Variants in WRAP73 observed in about 807,000 individuals in gnomAD.
WRAP73 encodes WD repeat-containing protein WRAP73.
In WRAP73, 55 loss-of-function variants were observed where a neutral mutation model predicts 59.6. The ratio of observed to expected loss-of-function variants is 0.92; its 90% CI spans 0.74 to 1.15. The LOEUF (loss-of-function observed/expected upper bound fraction) is 1.15. Among genes scored for constraint, WRAP73 ranks in the 50% most tolerant of loss-of-function variants. The probability of loss-of-function intolerance (pLI) is 0.00; values close to 1 mark genes in which losing one functional copy is unlikely to be tolerated. For missense variants in WRAP73, 592 were observed against 608.1 expected, an observed-to-expected ratio of 0.97 and a Z score of 0.28; for synonymous variants, 265 against 258.2, an observed-to-expected ratio of 1.03 and a Z score of -0.25.
chr1:3,632,534 G>A (rs1020622563), intron 9 of WRAP73, 196 bp from the exon 10 acceptor site: 13 of 778,884 alleles, frequency 1.7e-5, no homozygotes, highest in African/African-American at 1.4e-4. Context: ...CAAGTGCCCC[G>A]GATGAGAGTG....
intron 1 of WRAP73, among the ~76,000 whole-genome samples, chr1:3,648,135 T>C (rs1408042737): frequency 6.6e-6 from 1 of 152,254 alleles, no homozygotes; most frequent in Non-Finnish European, 1.5e-5. Context: ...TTATCTCCAT[T>C]AACCTATTCC....
chr1:3,642,113 C>T (rs901997844), intron 3 of WRAP73, among the ~76,000 whole-genome samples: 2 of 152,300 alleles, frequency 1.3e-5, no homozygotes, highest in Non-Finnish European at 1.5e-5. Context: ...CAGAGCCGGG[C>T]GCACTGTTGT....
chr1:3,646,606 G>C lies in WRAP73; in HGVS notation c.339+60C>G, dbSNP rs1368376439. The C allele has an allele frequency of 6.9e-7, 1 of 1,439,306 alleles. No individual in the cohort carries two copies. The highest frequency in any genetic ancestry group is 9.6e-7 in the Non-Finnish European group (1 of 1,045,346). 89.2% of individuals were successfully genotyped at this position (1,439,306 alleles called of 1,614,324 possible). A position where few individuals can be genotyped will look rare whatever the true frequency, so the allele number is the denominator to read the frequency against. ...ACACCCCCTCTCGCACTCCCCAGCT[G>C]TTTCGAGAGCAGAGGACAGGATCAC... On this transcript the variant is annotated intron_variant, in intron 3 of 11. Transcript: ENST00000270708. The surrounding 1 kb of genome is among the most constrained non-coding windows in gnomAD (Gnocchi z 5.1).
rs1000484213 is a variant in WRAP73, at chr1:3,639,022, T to C, written c.340-200A>G. 1.8e-6 allele frequency: 1 copy of C among 561,056 alleles called. No homozygotes were observed. Among genetic ancestry groups the C allele is most frequent in the African/African-American group, 1.9e-5 (1 of 51,424 alleles). 34.8% of individuals were successfully genotyped at this position (561,056 alleles called of 1,614,324 possible). The stretch of plus-strand genomic sequence containing the variant: ...GTGGTTACGGTAAATTTGGTGTTCT[T>C]GGTTTTCTGTTGTTGTTGTTTTATA... On this transcript the variant is annotated intron_variant, in intron 3 of 11. Transcript: ENST00000270708. This position sits in a 1 kb window ranked among gnomAD's most constrained non-coding sequence, Gnocchi z 4.3.
In WRAP73 at chr1:3,641,573, C is replaced by G. The variant is rs112195730; in HGVS notation, c.340-2751G>C. 2.2e-3 allele frequency among the ~76,000 whole-genome samples: 342 copies of G among 152,296 alleles called. 1 individual carries two copies. Among genetic ancestry groups the G allele is most frequent in the African/African-American group, 8.0e-3 (332 of 41,530 alleles). On this transcript the variant is annotated intron_variant, in intron 3 of 11. Coordinates refer to ENST00000270708, the MANE Select transcript of WRAP73 (RefSeq NM_017818.4). ...AGTGCTGCTCGCCCCGCAGCAGGCACCGGCTGCCGGACACAGGTGGGAGAC... is the reference window on the plus strand; with the variant it reads ...AGTGCTGCTCGCCCCGCAGCAGGCAGCGGCTGCCGGACACAGGTGGGAGAC...
Position 3,631,804 on chromosome 1 carries a change from T to G in WRAP73, c.1049-147A>C, listed in dbSNP as rs892599234. Reference sequence around the variant, plus strand: ...GCTGCACCCTGCAGTCTGGGTTCAGTTGGGCCCTGTAGGGCTCCTGGCCAG... The same window carrying G: ...GCTGCACCCTGCAGTCTGGGTTCAGGTGGGCCCTGTAGGGCTCCTGGCCAG... On this transcript the variant is annotated intron_variant, in intron 10 of 11. Coordinates refer to ENST00000270708, the MANE Select transcript of WRAP73 (RefSeq NM_017818.4). 6 of 1,434,386 alleles carry G rather than the reference T, an allele frequency of 4.2e-6. No homozygotes were observed. The East Asian group carries it at 1.5e-4, about 36-fold the overall frequency. 88.9% of individuals were successfully genotyped at this position (1,434,386 alleles called of 1,614,324 possible). A position where few individuals can be genotyped will look rare whatever the true frequency, so the allele number is the denominator to read the frequency against.
Position 3,646,712 on chromosome 1 carries a change from C to T in WRAP73, c.293G>A (p.Cys98Tyr). 1.2e-6 allele frequency: 2 copies of T among 1,608,684 alleles called. No homozygotes were observed. Among genetic ancestry groups the T allele is most frequent in the Non-Finnish European group, 1.7e-6 (2 of 1,176,084 alleles). Residue 98 changes from cysteine (C) to tyrosine (Y), a missense_variant, in exon 3 of 12, where the codon TGC becomes TAC. Coordinates refer to ENST00000270708, the MANE Select transcript of WRAP73 (RefSeq NM_017818.4). This position sits in a 1 kb window ranked among gnomAD's most constrained non-coding sequence, Gnocchi z 5.1. ...AATGTGGCGCCCGTCCGGGCTCCAGCACGAGGCCACCAGCCCGGCTGAGCC... is the reference window on the plus strand; with the variant it reads ...AATGTGGCGCCCGTCCGGGCTCCAGTACGAGGCCACCAGCCCGGCTGAGCC... ...DEGSAGLVAS[C>Y]WSPDGRHILN... is the part of the protein sequence containing the mutation.
chr1:3,649,071 C>G (rs895026889), intron 1 of WRAP73, among the ~76,000 whole-genome samples: 10 of 152,206 alleles, frequency 6.6e-5, no homozygotes, highest in South Asian at 2.1e-4. Context: ...CCACTTTTTA[C>G]GAGGCATGTT....
chr1:3,633,492 C>T lies in WRAP73; in HGVS notation c.828G>A (p.Lys276=). The T allele has an allele frequency of 6.2e-7, 1 of 1,600,254 alleles. No individual in the cohort carries two copies. The highest frequency in any genetic ancestry group is 8.5e-7 in the Non-Finnish European group (1 of 1,175,870). ...AINDPKIVVY[K]EAEKSPQLGL... is the part of the protein sequence containing the mutation. ...CCAGCTGTGGGCTCTTCTCGGCCTC[C>T]TTATACACCACCTGAAAGACACAAG... The change falls in exon 9 of 12, where the codon AAG becomes AAA. Residue 276 remains lysine (K), a synonymous_variant. Transcript: ENST00000270708.
chr1:3,647,195 G>T, intron 2 of WRAP73: 1 of 551,526 alleles, frequency 1.8e-6, no homozygotes, highest in Non-Finnish European at 3.0e-6. Context: ...CAACACCTCC[G>T]TTTCTCAACT....
chr1:3,637,185 G>T, intron 4 of WRAP73, 87 bp from the exon 5 acceptor site: 1 of 1,150,832 alleles, frequency 8.7e-7, no homozygotes, highest in South Asian at 1.4e-5. Flanking sequence ...GGAAGGAGGA[G>T]GAAAAGAAAG....
chr1:3,647,681 C>A lies in WRAP73; in HGVS notation c.70-121G>T, dbSNP rs1644705012. On this transcript the variant is annotated intron_variant, in intron 1 of 11. Coordinates refer to ENST00000270708, the MANE Select transcript of WRAP73 (RefSeq NM_017818.4). ...TTCTCTCCTGCCAGAGGTTTCATGT[C>A]TAGATCACCAGTGACATCCCCAGCC... 2.0e-5 allele frequency: 22 copies of A among 1,096,912 alleles called. No homozygotes were observed. In the South Asian group the frequency reaches 3.2e-4, roughly 16 times the overall value. The allele number at this position is 1,096,912 out of a possible 1,614,324, so 67.9% of individuals were successfully genotyped here.
intron 3 of WRAP73, among the ~76,000 whole-genome samples, chr1:3,642,566 C>T (rs1384348464): frequency 6.6e-6 from 1 of 152,000 alleles, no homozygotes; most frequent in Non-Finnish European, 1.5e-5. Context: ...TGAGAAACCC[C>T]ATCTCTACTA....
rs1644620647 is a variant in WRAP73 at position 3,639,728 on chromosome 1, G to C, written c.340-906C>G. ...GCTGACTGCCAGCTCCGTGTGTGGG[G>C]ACACAGGGCTGCGCAGCTCCATGTG... On this transcript the variant is annotated intron_variant, in intron 3 of 11. Coordinates refer to ENST00000270708, the MANE Select transcript of WRAP73 (RefSeq NM_017818.4). This position sits in a 1 kb window ranked among gnomAD's most constrained non-coding sequence, Gnocchi z 4.3. 6.6e-6 allele frequency: 1 copy of C among 151,064 alleles called. No individual in the cohort carries two copies. Among genetic ancestry groups the C allele is most frequent in the South Asian group, 2.1e-4 (1 of 4,770 alleles). The allele number at this position is 151,064 out of a possible 1,614,324, so 9.4% of individuals were successfully genotyped here.
chr1:3,631,140 A>G (rs772175395), intron 11 of WRAP73, 23 bp from the exon 12 acceptor site: 1 of 1,612,910 alleles, frequency 6.2e-7, no homozygotes, highest in East Asian at 2.2e-5. Context: ...AGGTGGCCAG[A>G]GGATTACAGC....
intron 5 of WRAP73, chr1:3,636,500 G>A (rs1246159394): frequency 3.1e-6 from 1 of 327,334 alleles, no homozygotes; most frequent in Non-Finnish European, 5.9e-6. Flanking sequence ...GCTCAGACAA[G>A]TCCCTTCCAG....
rs1056116034 is a variant in WRAP73, at chr1:3,650,069, G to T, written c.-70C>A. 4 of 433,154 alleles carry T rather than the reference G, an allele frequency of 9.2e-6. No individual in the cohort carries two copies. Among genetic ancestry groups the T allele is most frequent in the African/African-American group, 6.4e-5 (3 of 47,196 alleles). 26.8% of individuals were successfully genotyped at this position (433,154 alleles called of 1,614,324 possible). A position where few individuals can be genotyped will look rare whatever the true frequency, so the allele number is the denominator to read the frequency against. On this transcript the variant is annotated 5_prime_UTR_variant, in exon 1 of 12. Transcript: ENST00000270708. ...GGGACCCCTGGGCGCGCAGCAGGCT[G>T]CAACAGCCGACGCCGGCCTCCGAGG...
chr1:3,634,886 G>C (rs1570295344), intron 8 of WRAP73, 111 bp downstream of exon 8: 1 of 1,283,188 alleles, frequency 7.8e-7, no homozygotes, highest in African/African-American at 1.5e-5. Flanking sequence ...TACGGTGATG[G>C]AAGTGCCCGG....
At chr1:3,640,119 G>A (rs1644625157) in intron 3 of WRAP73, among the ~76,000 whole-genome samples, 1 of 152,202 alleles carries the variant, frequency 6.6e-6, no homozygotes, top group Non-Finnish European at 1.5e-5. Context: ...ACAGGTAGTG[G>A]ATCAACGAGC....
Sources: gnomAD v4.1 joint callset for allele counts (sites outside exome capture counted in the v4.1 genomes callset) on GRCh38, gnomAD v4.1.1 for gene constraint, Gnocchi (gnomAD v3.1) non-coding constraint, MANE v1.5 for transcripts, NCBI Gene and HGNC (gene_info 2026-07-23, HGNC 2026-07-21) for gene names.